Variants in CYSLTR2 observed in about 807,000 individuals in gnomAD.
CYSLTR2 encodes the protein G-protein coupled receptor GPCR21.
For synonymous variants in CYSLTR2, 179 were observed against 160.8 expected (o/e 1.11, Z -0.86); for missense variants, 398 against 411.9 (o/e 0.97, Z 0.29).
intron 1 of CYSLTR2, among the ~76,000 whole-genome samples, chr13:48,655,991 C>T (rs1003163246): frequency 2.0e-5 from 3 of 151,784 alleles, no homozygotes; most frequent in East Asian, 3.9e-4. Context: ...GATCATGACA[C>T]GAAATAAGAA....
chr13:48,704,888 T>A (rs1015637550), intron 4 of CYSLTR2, among the ~76,000 whole-genome samples: 1 of 152,354 alleles, frequency 6.6e-6, no homozygotes, highest in Admixed American at 6.5e-5. Context: ...GTATAAGTTT[T>A]GTGAACACAT....
At chr13:48,677,144 G>C (rs1036276163) in intron 1 of CYSLTR2, among the ~76,000 whole-genome samples, 1 of 152,160 alleles carries the variant, frequency 6.6e-6, no homozygotes, top group Non-Finnish European at 1.5e-5. Flanking sequence ...ATGAGTGGAG[G>C]TTTCAAAGAC....
At chr13:48,671,601 C>A (rs1266659665) in intron 1 of CYSLTR2, among the ~76,000 whole-genome samples, 1 of 152,162 alleles carries the variant, frequency 6.6e-6, no homozygotes, top group Non-Finnish European at 1.5e-5. Flanking sequence ...GTATGTTGAA[C>A]CAGCCTTGCA....
At chr13:48,671,316 G>C (rs1476189807) in intron 1 of CYSLTR2, among the ~76,000 whole-genome samples, 1 of 152,144 alleles carries the variant, frequency 6.6e-6, no homozygotes, top group Non-Finnish European at 1.5e-5. Flanking sequence ...ATACTATGTT[G>C]AATAGGAGTG....
intron 1 of CYSLTR2, among the ~76,000 whole-genome samples, chr13:48,657,068 A>T (rs1229829951): frequency 6.6e-6 from 1 of 152,248 alleles, no homozygotes; most frequent in Non-Finnish European, 1.5e-5. Context: ...CCTAGCACAT[A>T]AACTCCATTG....
intron 4 of CYSLTR2, 40 bp from the exon 5 acceptor site, chr13:48,706,777 T>G (rs993953962): frequency 6.6e-7 from 1 of 1,509,852 alleles, no homozygotes; most frequent in African/African-American, 1.4e-5. Flanking sequence ...AAAGGGAAAT[T>G]CACAAAGTAA....
intron 1 of CYSLTR2, among the ~76,000 whole-genome samples, chr13:48,680,800 C>CTTTTTTTTTTTT (rs139896583): frequency 3.5e-4 from 19 of 55,034 alleles, no homozygotes; most frequent in South Asian, 8.5e-4. Context: ...CTTTTCTTTT[C>CTTTTTTTTTTTT]TTTTTTTTTT....
At chr13:48,666,010 G>A (rs569507867) in intron 1 of CYSLTR2, among the ~76,000 whole-genome samples, 5 of 151,878 alleles carry the variant, frequency 3.3e-5, no homozygotes, top group South Asian at 4.2e-4. Context: ...TTATAGTTTC[G>A]CATGTTTTCA....
chr13:48,702,448 A>T (rs564388829), intron 4 of CYSLTR2, among the ~76,000 whole-genome samples: 60 of 152,158 alleles, frequency 3.9e-4, no homozygotes, highest in Non-Finnish European at 7.5e-4. Flanking sequence ...CATGAAGTCC[A>T]TGCTGCATTT....
intron 4 of CYSLTR2, among the ~76,000 whole-genome samples, chr13:48,698,517 G>A (rs962902369): frequency 6.6e-6 from 1 of 152,162 alleles, no homozygotes; most frequent in African/African-American, 2.4e-5. Context: ...AGCTCCTGAA[G>A]GAAGCACTAA....
chr13:48,655,073 C>T (rs1952969564), intron 1 of CYSLTR2, among the ~76,000 whole-genome samples: 1 of 152,160 alleles, frequency 6.6e-6, no homozygotes, highest in South Asian at 2.1e-4. Flanking sequence ...ATCATCTACT[C>T]AGCCACATAA....
intron 4 of CYSLTR2, among the ~76,000 whole-genome samples, chr13:48,702,478 G>A (rs1355611519): frequency 6.6e-6 from 1 of 152,122 alleles, no homozygotes; most frequent in Non-Finnish European, 1.5e-5. Flanking sequence ...TTTGTATAAG[G>A]TGTGAGATTT....
At chr13:48,679,762 A>G (rs1953699647) in intron 1 of CYSLTR2, among the ~76,000 whole-genome samples, 1 of 152,142 alleles carries the variant, frequency 6.6e-6, no homozygotes, top group Non-Finnish European at 1.5e-5. Context: ...GGAGCTGATA[A>G]AGGAAATGCC....
intron 1 of CYSLTR2, among the ~76,000 whole-genome samples, chr13:48,677,286 G>C (rs1351237363): frequency 1.3e-5 from 2 of 152,170 alleles, no homozygotes; most frequent in Non-Finnish European, 2.9e-5. Flanking sequence ...CTCTGAGGTG[G>C]AGGGCATGGG....
chr13:48,687,768 C>T (rs1025738655), intron 1 of CYSLTR2, among the ~76,000 whole-genome samples: 3 of 152,154 alleles, frequency 2.0e-5, no homozygotes, highest in African/African-American at 4.8e-5. Flanking sequence ...TTTTAAACAA[C>T]TGAAATTCTC....
Position 48,683,942 on chromosome 13 carries a change from A to G in CYSLTR2, c.-265-7270A>G, listed in dbSNP as rs146018579. Reference sequence around the variant, plus strand: ...ACTTTTTAAAAAAATTATTTTACAGACAGTCTCACTCTGTCATCCAGACTG... The same window carrying G: ...ACTTTTTAAAAAAATTATTTTACAGGCAGTCTCACTCTGTCATCCAGACTG... On this transcript the variant is annotated intron_variant, in intron 1 of 4. Transcript: ENST00000682523. Among the ~76,000 whole-genome samples, 670 of 152,270 alleles carry G rather than the reference A, an allele frequency of 4.4e-3. 3 individuals carry two copies. The highest frequency in any genetic ancestry group is 0.014 in the Middle Eastern group (4 of 294).
chr13:48,695,921 C>T (rs1436284590), intron 3 of CYSLTR2, among the ~76,000 whole-genome samples: 1 of 152,208 alleles, frequency 6.6e-6, no homozygotes, highest in African/African-American at 2.4e-5. Context: ...GGGATAAATG[C>T]CCAGGAGTAT....
chr13:48,700,645 T>C (rs1954316139), intron 4 of CYSLTR2, among the ~76,000 whole-genome samples: 1 of 152,142 alleles, frequency 6.6e-6, no homozygotes, highest in Non-Finnish European at 1.5e-5. Flanking sequence ...CTATTCAACA[T>C]AGTGTTGGAC....
chr13:48,697,975 G>A (rs1274620985), intron 4 of CYSLTR2, among the ~76,000 whole-genome samples: 1 of 152,052 alleles, frequency 6.6e-6, no homozygotes, highest in Non-Finnish European at 1.5e-5. Context: ...AGAGAAAAAA[G>A]TAAAAAGAAA....
Sources: gnomAD v4.1 joint callset for allele counts (sites outside exome capture counted in the v4.1 genomes callset) on GRCh38, gnomAD v4.1.1 for gene constraint, MANE v1.5 for transcripts, NCBI Gene and HGNC (gene_info 2026-07-23, HGNC 2026-07-21) for gene names.